The following SHISA5 variants were observed in gnomAD, a reference collection of about 807,000 sequenced individuals.
SHISA5 encodes protein shisa-5.
In SHISA5, 21 loss-of-function variants were observed where a neutral mutation model predicts 27.5. The ratio of observed to expected loss-of-function variants is 0.76; its 90% CI spans 0.54 to 1.10. The LOEUF (loss-of-function observed/expected upper bound fraction) is 1.10. Ranked by LOEUF, SHISA5 falls within the 50% of genes least tolerant of loss-of-function variation. SHISA5 has a pLI of 0.00. For synonymous variants in SHISA5, 137 were observed against 142.2 expected (o/e 0.96, Z 0.26); for missense variants, 314 against 336.3 (o/e 0.93, Z 0.52).
chr3:48,479,342 G>A, intron 2 of SHISA5, 85 bp from the exon 3 acceptor site: 1 of 1,314,748 alleles, frequency 7.6e-7, no homozygotes, highest in Non-Finnish European at 1.1e-6. Context: ...CACAAAACGT[G>A]CACAGAAGCT....
In SHISA5 at chr3:48,473,312, A is replaced by G; in HGVS notation, c.315-3469T>C. The stretch of plus-strand genomic sequence containing the variant: ...AGAGCTGCCTCCCTGAGCCAAGCCT[A>G]CAGGGCCTGACCTCAGAATGCAGCC... On this transcript the variant is annotated intron_variant, in intron 3 of 5. Coordinates refer to ENST00000296444, the MANE Select transcript of SHISA5 (RefSeq NM_016479.6). The surrounding 1 kb of genome is among the most constrained non-coding windows in gnomAD (Gnocchi z 4.3). 11 of 1,390,858 alleles carry G rather than the reference A, an allele frequency of 7.9e-6. No homozygotes were observed. The South Asian group carries it at 1.3e-4, about 17-fold the overall frequency. 86.2% of individuals were successfully genotyped at this position (1,390,858 alleles called of 1,614,324 possible).
chr3:48,484,974 G>A (rs930738686), intron 2 of SHISA5, among the ~76,000 whole-genome samples: 7 of 151,874 alleles, frequency 4.6e-5, no homozygotes, highest in East Asian at 1.9e-4. Flanking sequence ...CTAGAGAATC[G>A]CTTGAGCACA....
chr3:48,479,312 C>A lies in SHISA5; in HGVS notation c.234-55G>T, dbSNP rs1003891899. The A allele has an allele frequency of 7.9e-6, 12 of 1,516,924 alleles. 1 individual carries two copies. In the Admixed American group the frequency reaches 1.3e-4, roughly 17 times the overall value. The allele number at this position is 1,516,924 out of a possible 1,614,324, so 94.0% of individuals were successfully genotyped here. On this transcript the variant is annotated intron_variant, in intron 2 of 5. Transcript: ENST00000296444. ...AATGAAGCCCCACCGAGCGCCAGCA[C>A]AAACACTACCTTAGGGCACCACAAA...
At chr3:48,491,496 C>A (rs1481474102) in intron 2 of SHISA5, among the ~76,000 whole-genome samples, 3 of 152,116 alleles carry the variant, frequency 2.0e-5, no homozygotes, top group South Asian at 4.1e-4. Context: ...GGTGCCCGGA[C>A]CACCTTGGGC....
chr3:48,477,703 T>C (rs2040870679), intron 3 of SHISA5, among the ~76,000 whole-genome samples: 1 of 152,206 alleles, frequency 6.6e-6, no homozygotes, highest in African/African-American at 2.4e-5. Flanking sequence ...ATGGACTCCG[T>C]GGTGTGAAAT....
intron 1 of SHISA5, chr3:48,502,416 G>A (rs1305825549): frequency 4.4e-6 from 2 of 456,582 alleles, no homozygotes; most frequent in Non-Finnish European, 8.8e-6. Context: ...ACCAGCCTGG[G>A]CAACAGGGCT....
At chr3:48,488,789 T>C (rs2041331212) in intron 2 of SHISA5, among the ~76,000 whole-genome samples, 1 of 142,018 alleles carries the variant, frequency 7.0e-6, no homozygotes, top group Admixed American at 7.4e-5. Flanking sequence ...GCTGAGCTCA[T>C]GCCATTGCAC....
Position 48,469,785 on chromosome 3 carries a change from T to C in SHISA5, c.373A>G (p.Ile125Val). 5.0e-6 allele frequency: 8 copies of C among 1,614,054 alleles called. No homozygotes were observed. In the South Asian group the frequency reaches 7.7e-5, roughly 16 times the overall value. ...CAGCAGGAGCAGGTGAAGCAGATGA[T>C]GATAGTGACGACAGACAGCACAAAG... ...TIFVLSVVTI[I>V]ICFTCSCCCL... Residue 125 changes from isoleucine (I) to valine (V), a missense_variant, in exon 4 of 6, where the codon ATC (isoleucine) becomes GTC (valine). Physicochemically the swap from Ile to Val is conservative, Grantham distance 29. Coordinates refer to ENST00000296444, the MANE Select transcript of SHISA5 (RefSeq NM_016479.6). This position sits in a 1 kb window ranked among gnomAD's most constrained non-coding sequence, Gnocchi z 4.6.
chr3:48,495,519 T>C (rs2041515272), intron 2 of SHISA5, among the ~76,000 whole-genome samples: 1 of 146,216 alleles, frequency 6.8e-6, no homozygotes, highest in Non-Finnish European at 1.5e-5. Flanking sequence ...AGTTTTTTTT[T>C]CCACTTTTTT....
At position 48,494,974 on chromosome 3, in the gene SHISA5, A is replaced by AT. The variant is rs1414758482; in HGVS notation, c.233+6162dup. On this transcript the variant is annotated intron_variant, in intron 2 of 5. Transcript: ENST00000296444. ...TTTTACTGTATGTAATTATATATCT[A>AT]TTTTTTTTTCTTTTTAGAGACTGAG... Among the ~76,000 whole-genome samples, 12 of 145,278 alleles carry AT rather than the reference A, an allele frequency of 8.3e-5. No individual in the cohort carries two copies. In the South Asian group the frequency reaches 8.5e-4, roughly 10 times the overall value.
Position 48,468,651 on chromosome 3 carries a change from A to G in SHISA5, c.*456T>C. 8.3e-7 allele frequency: 1 copy of G among 1,207,222 alleles called. No individual in the cohort carries two copies. Among genetic ancestry groups the G allele is most frequent in the Non-Finnish European group, 1.1e-6 (1 of 950,986 alleles). The allele number at this position is 1,207,222 out of a possible 1,614,324, so 74.8% of individuals were successfully genotyped here. A position where few individuals can be genotyped will look rare whatever the true frequency, so the allele number is the denominator to read the frequency against. On this transcript the variant is annotated 3_prime_UTR_variant, in exon 6 of 6. Coordinates refer to ENST00000296444, the MANE Select transcript of SHISA5 (RefSeq NM_016479.6). The stretch of plus-strand genomic sequence containing the variant: ...ACTCCGGGGACGAGCCATGGCCTCA[A>G]GCAGCAGCTGGCTACGCTGCCGAAA...
chr3:48,472,994 T>C (rs2040694022), intron 3 of SHISA5: 1 of 1,535,600 alleles, frequency 6.5e-7, no homozygotes, highest in African/African-American at 1.4e-5. Flanking sequence ...ACACGCAGCA[T>C]GGCGCCCAAG....
intron 3 of SHISA5, among the ~76,000 whole-genome samples, chr3:48,474,447 G>A (rs1038406503): frequency 6.6e-6 from 1 of 150,868 alleles, no homozygotes; most frequent in Non-Finnish European, 1.5e-5. Flanking sequence ...AGTGATTCTC[G>A]TGCCTCAGCC....
At chr3:48,471,711 G>A (rs2040629637) in intron 3 of SHISA5, among the ~76,000 whole-genome samples, 1 of 151,494 alleles carries the variant, frequency 6.6e-6, no homozygotes, top group Admixed American at 6.6e-5. Context: ...TCTGGAATTC[G>A]AGAAAGTATA....
chr3:48,476,526 A>G (rs1188556295), intron 3 of SHISA5, among the ~76,000 whole-genome samples: 1 of 152,134 alleles, frequency 6.6e-6, no homozygotes, highest in Non-Finnish European at 1.5e-5. Flanking sequence ...AGCAGGGGCC[A>G]GGCCCTCAAC....
At chr3:48,492,580 A>G (rs1339041194) in intron 2 of SHISA5, among the ~76,000 whole-genome samples, 1 of 148,178 alleles carries the variant, frequency 6.7e-6, no homozygotes, top group Non-Finnish European at 1.5e-5. Flanking sequence ...TTCTCTCTGC[A>G]TGCATGCACC....
chr3:48,488,241 CTTTT>C (rs1207569528), intron 2 of SHISA5, among the ~76,000 whole-genome samples: 2 of 111,834 alleles, frequency 1.8e-5, no homozygotes, highest in African/African-American at 6.8e-5. Context: ...CTCTTGACTG[CTTTT>C]TTTTTTTTTT....
chr3:48,491,459 G>A (rs929981771), intron 2 of SHISA5, among the ~76,000 whole-genome samples: 1 of 152,044 alleles, frequency 6.6e-6, no homozygotes, highest in African/African-American at 2.4e-5. Flanking sequence ...GATGTCTCAT[G>A]CCTCTCTAAA....
chr3:48,489,134 G>A (rs972238800), intron 2 of SHISA5, among the ~76,000 whole-genome samples: 1 of 151,828 alleles, frequency 6.6e-6, no homozygotes, highest in Non-Finnish European at 1.5e-5. Flanking sequence ...CCACATTCAG[G>A]CCAGGATGGC....
Sources: allele counts gnomAD v4.1 joint callset (sites outside exome capture counted in the v4.1 genomes callset), GRCh38; gene constraint gnomAD v4.1.1; non-coding constraint Gnocchi (gnomAD v3.1); transcripts MANE v1.5; gene names NCBI Gene and HGNC (gene_info 2026-07-23, HGNC 2026-07-21).